SLC41A1: variants seen among roughly 807,000 people sequenced by gnomAD.
SLC41A1 encodes solute carrier family 41 member 1.
A neutral mutation model predicts 47.3 loss-of-function variants in SLC41A1; 20 were observed. That is an observed-to-expected ratio of 0.42 (90% CI 0.30 to 0.61). The LOEUF (loss-of-function observed/expected upper bound fraction) is 0.61, where lower values mean the gene tolerates loss of function less well. Among genes scored for constraint, SLC41A1 ranks in the 20% least tolerant of loss-of-function variants. The pLI, the probability that SLC41A1 is intolerant of heterozygous loss-of-function variation, is 0.17. For synonymous variants in SLC41A1, 282 were observed against 272.7 expected, an observed-to-expected ratio of 1.03 and a Z score of -0.34; for missense variants, 504 against 674.1, an observed-to-expected ratio of 0.75 and a Z score of 2.79.
chr1:205,798,343 C>T (rs1005774288), intron 6 of SLC41A1, among the ~76,000 whole-genome samples: 5 of 152,224 alleles, frequency 3.3e-5, no homozygotes, highest in Admixed American at 2.0e-4. Flanking sequence ...CAGAAAACAC[C>T]ATCTCCCACC....
chr1:205,798,020 A>G lies in SLC41A1; in HGVS notation c.876T>C (p.Cys292=). 6.2e-7 allele frequency: 1 copy of G among 1,614,138 alleles called. No homozygotes were observed. Among genetic ancestry groups the G allele is most frequent in the Non-Finnish European group, 8.5e-7 (1 of 1,180,028 alleles). Reference sequence around the variant, plus strand: ...CAGGCAGCAGGGCCACAAAGAAAGCACACACCAGTGGGTAGATGTATCGCC... The same window carrying G: ...CAGGCAGCAGGGCCACAAAGAAAGCGCACACCAGTGGGTAGATGTATCGCC... ...NHWRYIYPLV[C]AFFVALLPVW... is the part of the protein sequence containing the mutation. Residue 292 remains cysteine (C), a synonymous_variant, in exon 7 of 11, where the codon TGT becomes TGC. Transcript: ENST00000367137.
intron 8 of SLC41A1, chr1:205,796,616 T>C (rs1186057057): frequency 2.4e-6 from 1 of 419,944 alleles, no homozygotes; most frequent in Non-Finnish European, 4.4e-6. Flanking sequence ...TTCTTTTCGT[T>C]ATAAATTAGC....
chr1:205,794,737 T>C (rs1655704089), intron 10 of SLC41A1, 133 bp downstream of exon 10: 1 of 1,203,950 alleles, frequency 8.3e-7, no homozygotes, highest in Non-Finnish European at 1.2e-6. Context: ...TGCACCCTTG[T>C]CTGGTGTTTA....
At position 205,795,006 on chromosome 1, in the gene SLC41A1, C is replaced by A. The variant is rs1055919390; in HGVS notation, c.1220G>T (p.Arg407Leu). Residue 407 changes from arginine to leucine, a missense_variant, in exon 10 of 11, where the codon CGC (arginine) becomes CTC (leucine). Arg to Leu is a moderately radical substitution (Grantham distance 102). Transcript: ENST00000367137. ...TTFFSPDVNS[R>L]SARVLFLLVV... ...GAGGAGGAAGAGGACCCGGGCTGAG[C>A]GAGAATTCACATCTGGAATTGGGGA... The A allele has an allele frequency of 6.2e-7, 1 of 1,613,792 alleles. No individual in the cohort carries two copies. The highest frequency in any genetic ancestry group is 2.2e-5 in the East Asian group (1 of 44,880).
chr1:205,803,205 G>A (rs535167828), intron 2 of SLC41A1, among the ~76,000 whole-genome samples: 92 of 152,166 alleles, frequency 6.0e-4, no homozygotes, highest in African/African-American at 2.1e-3. Context: ...TGGAACCCTT[G>A]TGCACTCTTG....
intron 4 of SLC41A1, among the ~76,000 whole-genome samples, chr1:205,799,548 A>C (rs1655823488): frequency 6.6e-6 from 1 of 152,068 alleles, no homozygotes; most frequent in Non-Finnish European, 1.5e-5. Context: ...CACCACCAAG[A>C]ACTGAGAACC....
rs1271108667 is a variant in SLC41A1 at position 205,791,869 on chromosome 1, CTG to C, written c.1357-153_1357-152del. 7.2e-6 allele frequency: 7 copies of C among 976,820 alleles called. No homozygotes were observed. The highest frequency in any genetic ancestry group is 1.6e-5 in the African/African-American group (1 of 61,752). 60.5% of individuals were successfully genotyped at this position (976,820 alleles called of 1,614,324 possible). A position where few individuals can be genotyped will look rare whatever the true frequency, so the allele number is the denominator to read the frequency against. ...TCCTCTTTCCACCCCAGCAACCTCT[CTG>C]TGTTTCTCCACCCCACAATTACCAC... is the stretch of plus-strand genomic sequence containing the variant. On this transcript the variant is annotated intron_variant, in intron 10 of 10. Transcript: ENST00000367137. This position sits in a 1 kb window ranked among gnomAD's most constrained non-coding sequence, Gnocchi z 4.0.
At chr1:205,808,311 G>A (rs1558083584) in intron 2 of SLC41A1, among the ~76,000 whole-genome samples, 2 of 152,250 alleles carry the variant, frequency 1.3e-5, no homozygotes, top group East Asian at 3.9e-4. Context: ...AGGCCACAGG[G>A]GTTAGTGGTG....
At chr1:205,793,999 T>C (rs1238254614) in intron 10 of SLC41A1, among the ~76,000 whole-genome samples, 1 of 152,162 alleles carries the variant, frequency 6.6e-6, no homozygotes, top group Non-Finnish European at 1.5e-5. Context: ...TATAAAAATT[T>C]AAAATGTAAT....
intron 2 of SLC41A1, 106 bp from the exon 3 acceptor site, chr1:205,801,166 C>G: frequency 1.1e-6 from 1 of 892,068 alleles, no homozygotes; most frequent in Non-Finnish European, 1.8e-6. Flanking sequence ...ATAGAATCAG[C>G]AGGGAGTGAG....
At chr1:205,806,950 T>C (rs1395629923) in intron 2 of SLC41A1, among the ~76,000 whole-genome samples, 1 of 152,156 alleles carries the variant, frequency 6.6e-6, no homozygotes, top group Non-Finnish European at 1.5e-5. Flanking sequence ...ATGGGGGCCC[T>C]GGACCAAGGA....
chr1:205,794,886 G>A lies in SLC41A1; in HGVS notation c.1340C>T (p.Thr447Ile), dbSNP rs781224024. The A allele has an allele frequency of 1.4e-5, 23 of 1,613,884 alleles. No individual in the cohort carries two copies. Among genetic ancestry groups the A allele is most frequent in the Non-Finnish European group, 1.9e-5 (22 of 1,180,000 alleles). Residue 447 changes from threonine to isoleucine, a missense_variant, in exon 10 of 11, where the codon ACA becomes ATA. By Grantham distance (89) the Thr-to-Ile change is moderately conservative. This residue lies in a region of SLC41A1 where 421 missense variants were observed against 601.6 expected (regional missense o/e 0.70). Coordinates refer to ENST00000367137, the MANE Select transcript of SLC41A1 (RefSeq NM_173854.6). The stretch of plus-strand genomic sequence containing the variant: ...ACTTTGTACCTGGAGCAGTGCAGCT[G>A]TCATATAGAAGATGATGAAGATGAG... ...LTLIFIIFYM[T>I]AALLQVLILL...
chr1:205,804,849 T>C (rs1429101428), intron 2 of SLC41A1, among the ~76,000 whole-genome samples: 9 of 152,174 alleles, frequency 5.9e-5, no homozygotes, highest in Non-Finnish European at 1.3e-4. Context: ...AATGTACATG[T>C]ACTCATAGAA....
At chr1:205,801,216 C>G (rs113694042) in intron 2 of SLC41A1, 156 bp from the exon 3 acceptor site, 169 of 646,824 alleles carry the variant, frequency 2.6e-4, no homozygotes, top group African/African-American at 2.5e-3. Context: ...TGGAACCAAA[C>G]CAAGCCCATG....
intron 2 of SLC41A1, chr1:205,801,489 T>G: frequency 3.6e-6 from 1 of 279,180 alleles, no homozygotes; most frequent in South Asian, 3.9e-5. Context: ...CTGTGAAGAG[T>G]TGGGCTCCAC....
At chr1:205,796,004 T>G in intron 8 of SLC41A1, 1 of 222,232 alleles carries the variant, frequency 4.5e-6, no homozygotes, top group Non-Finnish European at 9.0e-6. Flanking sequence ...CCAGGACCTG[T>G]GCTGATTTCT....
At chr1:205,797,546 G>A (rs1226568003) in intron 7 of SLC41A1, among the ~76,000 whole-genome samples, 1 of 152,250 alleles carries the variant, frequency 6.6e-6, no homozygotes, top group African/African-American at 2.4e-5. Flanking sequence ...TTGTGGAACT[G>A]TTGGGGGAAG....
At chr1:205,807,143 T>G (rs959627741) in intron 2 of SLC41A1, among the ~76,000 whole-genome samples, 7 of 152,310 alleles carry the variant, frequency 4.6e-5, no homozygotes, top group South Asian at 4.1e-4. Flanking sequence ...CATCCCGCTC[T>G]TCCTGAATCT....
chr1:205,795,956 C>T (rs1234115038), intron 8 of SLC41A1: 6 of 248,214 alleles, frequency 2.4e-5, no homozygotes, highest in Non-Finnish European at 4.7e-5. Context: ...TTTCAAGGAT[C>T]AGGTTTGAGC....
Sources: allele counts gnomAD v4.1 joint callset (sites outside exome capture counted in the v4.1 genomes callset), GRCh38; gene constraint gnomAD v4.1.1; regional missense constraint gnomAD v4.1.1; non-coding constraint Gnocchi (gnomAD v3.1); transcripts MANE v1.5; gene names NCBI Gene and HGNC (gene_info 2026-07-23, HGNC 2026-07-21).